MAPKAPK5: variants seen among roughly 807,000 people sequenced by gnomAD.
MAPKAPK5 encodes MAPK activated protein kinase 5, also known as MAP kinase-activated protein kinase 5.
In MAPKAPK5, 30 loss-of-function variants were observed where a neutral mutation model predicts 65.1. The ratio of observed to expected loss-of-function variants is 0.46; its 90% CI spans 0.34 to 0.63. The LOEUF is 0.63. Among genes scored for constraint, MAPKAPK5 ranks in the 20% least tolerant of loss-of-function variants. The pLI is 0.01. For synonymous variants in MAPKAPK5, 179 were observed against 204.6 expected (o/e 0.87, Z 1.07); for missense variants, 433 against 581.4 (o/e 0.74, Z 2.63).
rs538345553 is a variant in MAPKAPK5 at position 111,850,868 on chromosome 12, A to G, written c.36+8099A>G. Among the ~76,000 whole-genome samples, 23 of 152,220 alleles carry G rather than the reference A, an allele frequency of 1.5e-4. No individual in the cohort carries two copies. The South Asian group carries it at 4.6e-3, about 30-fold the overall frequency. On this transcript the variant is annotated intron_variant, in intron 1 of 13. Coordinates refer to ENST00000550735, the MANE Select transcript of MAPKAPK5 (RefSeq NM_003668.4). Reference sequence around the variant, plus strand: ...ACCAGCTGCCAGTCTGTTTTTACCAAAAGAAAGCCTGGATAATGAGAACCC... The same window carrying G: ...ACCAGCTGCCAGTCTGTTTTTACCAGAAGAAAGCCTGGATAATGAGAACCC...
chr12:111,857,058 G>T (rs1311666174), intron 1 of MAPKAPK5, among the ~76,000 whole-genome samples: 1 of 152,100 alleles, frequency 6.6e-6, no homozygotes. Flanking sequence ...GTAATATACA[G>T]CACCTTTGCT....
At chr12:111,873,941 A>G (rs1174240088) in intron 7 of MAPKAPK5, among the ~76,000 whole-genome samples, 5 of 145,188 alleles carry the variant, frequency 3.4e-5, no homozygotes, top group Non-Finnish European at 7.6e-5. Flanking sequence ...TCTTAACAAT[A>G]TAAGTCTCCC....
rs2068747841 is a variant in MAPKAPK5 at position 111,842,562 on chromosome 12, C to T, written c.-172C>T. 1 of 384,146 alleles carries T rather than the reference C, an allele frequency of 2.6e-6. No individual in the cohort carries two copies. The highest frequency in any genetic ancestry group is 4.7e-6 in the Non-Finnish European group (1 of 211,180). The allele number at this position is 384,146 out of a possible 1,614,324, so 23.8% of individuals were successfully genotyped here. A position where few individuals can be genotyped will look rare whatever the true frequency, so the allele number is the denominator to read the frequency against. On this transcript the variant is annotated 5_prime_UTR_variant, in exon 1 of 14. Coordinates refer to ENST00000550735, the MANE Select transcript of MAPKAPK5 (RefSeq NM_003668.4). ...CTGCCGCCAGCCTAGAGCCGCCCGCCGAAGCAGAGCCGGCGCCGGGGTCCT... is the reference window on the plus strand; with the variant it reads ...CTGCCGCCAGCCTAGAGCCGCCCGCTGAAGCAGAGCCGGCGCCGGGGTCCT...
intron 7 of MAPKAPK5, among the ~76,000 whole-genome samples, chr12:111,877,874 A>T (rs1258951628): frequency 6.0e-5 from 9 of 150,978 alleles, no homozygotes; most frequent in African/African-American, 2.2e-4. Flanking sequence ...TTTTTTTTTT[A>T]AGAGATGGGG....
At chr12:111,851,226 C>T (rs879354438) in intron 1 of MAPKAPK5, among the ~76,000 whole-genome samples, 1 of 151,688 alleles carries the variant, frequency 6.6e-6, no homozygotes, top group Admixed American at 6.6e-5. Context: ...TTTTTTGACA[C>T]AATGCCCCTG....
chr12:111,858,052 G>A (rs1027326069), intron 1 of MAPKAPK5, among the ~76,000 whole-genome samples: 1 of 151,854 alleles, frequency 6.6e-6, no homozygotes, highest in African/African-American at 2.4e-5. Context: ...GCACAGGCAT[G>A]CACCACTACA....
Position 111,893,957 on chromosome 12 carries a change from A to C in MAPKAPK5, c.*896A>C. The stretch of plus-strand genomic sequence containing the variant: ...TCTTGAACTCCTGACCTCAGGTGAT[A>C]CGTCTGCCTTGGCCTCCCAAAGTGC... On this transcript the variant is annotated 3_prime_UTR_variant, in exon 14 of 14. Transcript: ENST00000550735. The C allele has an allele frequency of 6.6e-6, 1 of 152,040 alleles. No individual in the cohort carries two copies. The highest frequency in any genetic ancestry group is 1.5e-5 in the Non-Finnish European group (1 of 68,328). The allele number at this position is 152,040 out of a possible 1,614,324, so 9.4% of individuals were successfully genotyped here. A position where few individuals can be genotyped will look rare whatever the true frequency, so the allele number is the denominator to read the frequency against.
At chr12:111,888,798 T>C (rs2070501015) in intron 11 of MAPKAPK5, 87 bp from the exon 12 acceptor site, 1 of 1,542,378 alleles carries the variant, frequency 6.5e-7, no homozygotes. Flanking sequence ...CTGATACATC[T>C]GTTGCCTTAT....
At chr12:111,862,896 C>G (rs1375927517) in intron 1 of MAPKAPK5, among the ~76,000 whole-genome samples, 1 of 152,162 alleles carries the variant, frequency 6.6e-6, no homozygotes, top group African/African-American at 2.4e-5. Context: ...TCAACTCCCT[C>G]CTTCCCACTA....
intron 2 of MAPKAPK5, among the ~76,000 whole-genome samples, 190 bp from the exon 3 acceptor site, chr12:111,865,966 G>A (rs1182938570): frequency 5.9e-5 from 9 of 151,994 alleles, no homozygotes; most frequent in African/African-American, 2.2e-4. Context: ...GCTGAGGCCT[G>A]AGCATTGGCT....
At chr12:111,864,830 A>T (rs2069551361) in intron 1 of MAPKAPK5, among the ~76,000 whole-genome samples, 1 of 152,184 alleles carries the variant, frequency 6.6e-6, no homozygotes, top group South Asian at 2.1e-4. Context: ...TTGTTCAGGG[A>T]TATAGGCCTC....
chr12:111,877,536 T>G (rs1021377906), intron 7 of MAPKAPK5, among the ~76,000 whole-genome samples: 1 of 152,244 alleles, frequency 6.6e-6, no homozygotes, highest in African/African-American at 2.4e-5. Context: ...TCTTTTCTTT[T>G]GTGTACACAT....
At chr12:111,868,968 C>A in intron 5 of MAPKAPK5, 107 bp downstream of exon 5, 1 of 796,340 alleles carries the variant, frequency 1.3e-6, no homozygotes, top group Non-Finnish European at 2.0e-6. Flanking sequence ...TATTTGACTT[C>A]TCATTGCCTG....
At position 111,894,856 on chromosome 12, in the gene MAPKAPK5, C is replaced by G. The variant is rs1316720645; in HGVS notation, c.*1795C>G. On this transcript the variant is annotated 3_prime_UTR_variant, in exon 14 of 14. Transcript: ENST00000550735. ...AAGCTGGCAGGTAGACTCCAGCTCGCAGAGCAGAGGGAGAGGATAGTCATC... is the reference window on the plus strand; with the variant it reads ...AAGCTGGCAGGTAGACTCCAGCTCGGAGAGCAGAGGGAGAGGATAGTCATC... The G allele has an allele frequency of 6.6e-6, 1 of 151,798 alleles. No homozygotes were observed. Among genetic ancestry groups the G allele is most frequent in the African/African-American group, 2.4e-5 (1 of 41,276 alleles). The allele number at this position is 151,798 out of a possible 1,614,324, so 9.4% of individuals were successfully genotyped here. A position where few individuals can be genotyped will look rare whatever the true frequency, so the allele number is the denominator to read the frequency against.
intron 2 of MAPKAPK5, among the ~76,000 whole-genome samples, chr12:111,865,930 C>T (rs1305501099): frequency 6.6e-6 from 1 of 151,718 alleles, no homozygotes; most frequent in Non-Finnish European, 1.5e-5. Flanking sequence ...TTCATTGACC[C>T]ACAGCCCCAA....
intron 8 of MAPKAPK5, chr12:111,882,926 C>A (rs896537584): frequency 4.6e-6 from 4 of 861,526 alleles, no homozygotes; most frequent in Non-Finnish European, 5.6e-6. Flanking sequence ...ATATTTATTT[C>A]TTTTCTGGCT....
At chr12:111,867,492 T>G in intron 3 of MAPKAPK5, 80 bp from the exon 4 acceptor site, 2 of 952,144 alleles carry the variant, frequency 2.1e-6, no homozygotes, top group Non-Finnish European at 3.4e-6. Context: ...GTAATTAGCT[T>G]GTACCTAGTA....
At chr12:111,857,307 T>A (rs1324078746) in intron 1 of MAPKAPK5, among the ~76,000 whole-genome samples, 1 of 151,908 alleles carries the variant, frequency 6.6e-6, no homozygotes, top group Non-Finnish European at 1.5e-5. Flanking sequence ...AGTGGTATGA[T>A]CTCGGCTCAC....
intron 7 of MAPKAPK5, 27 bp from the exon 8 acceptor site, chr12:111,880,420 G>A: frequency 6.3e-7 from 1 of 1,587,278 alleles, no homozygotes; most frequent in Non-Finnish European, 8.7e-7. Flanking sequence ...TTCATTAAAT[G>A]GTCCCCTTTG....
Sources: gnomAD v4.1 joint callset for allele counts (sites outside exome capture counted in the v4.1 genomes callset) on GRCh38, gnomAD v4.1.1 for gene constraint, MANE v1.5 for transcripts, NCBI Gene and HGNC (gene_info 2026-07-23, HGNC 2026-07-21) for gene names.